Variants in LGSN observed in about 807,000 individuals in gnomAD.
LGSN encodes lengsin.
In LGSN, 21 loss-of-function variants were observed where a neutral mutation model predicts 19.5. The ratio of observed to expected loss-of-function variants is 1.07; its 90% CI spans 0.76 to 1.55. The LOEUF (loss-of-function observed/expected upper bound fraction) is 1.55, where lower values mean the gene tolerates loss of function less well. Ranked by LOEUF, LGSN falls within the 40% of genes most tolerant of loss-of-function variation. The pLI is 0.00. For missense variants in LGSN, 673 were observed against 608.5 expected (o/e 1.11, Z -1.12); for synonymous variants, 257 against 215.6 (o/e 1.19, Z -1.68).
the LGSN span, among the ~76,000 whole-genome samples, chr6:63,483,484 G>A: frequency 1.3e-5 from 2 of 151,826 alleles, no homozygotes; most frequent in African/African-American, 2.4e-5. Context: ...TCCTGCCTCA[G>A]CCTCCCGAGT....
intron 1 of LGSN, among the ~76,000 whole-genome samples, chr6:63,301,611 A>G (rs1434503924): frequency 6.6e-6 from 1 of 152,194 alleles, no homozygotes. Context: ...TATTGATTAT[A>G]TACTAACACA....
At chr6:63,533,703 CTT>C in the LGSN span, among the ~76,000 whole-genome samples, 2 of 152,030 alleles carry the variant, frequency 1.3e-5, no homozygotes, top group Non-Finnish European at 2.9e-5. Context: ...TTCTAAATGA[CTT>C]TGTAAAGCTG....
At chr6:63,467,377 T>C in the LGSN span, among the ~76,000 whole-genome samples, 3 of 151,636 alleles carry the variant, frequency 2.0e-5, no homozygotes, top group East Asian at 3.9e-4. Flanking sequence ...TTCCTAGAAC[T>C]CAGAGCAAAA....
chr6:63,432,354 T>C, the LGSN span, among the ~76,000 whole-genome samples: 1 of 152,246 alleles, frequency 6.6e-6, no homozygotes, highest in African/African-American at 2.4e-5. Flanking sequence ...TCCTGGTAAC[T>C]GACATTTATA....
intron 1 of LGSN, among the ~76,000 whole-genome samples, chr6:63,301,557 G>T (rs1191224163): frequency 6.6e-6 from 1 of 152,092 alleles, no homozygotes; most frequent in Admixed American, 6.5e-5. Context: ...GCTGATTGAA[G>T]GTGAATGTAT....
At chr6:63,493,973 G>T in the LGSN span, among the ~76,000 whole-genome samples, 11 of 135,668 alleles carry the variant, frequency 8.1e-5, no homozygotes, top group Middle Eastern at 3.9e-3. Flanking sequence ...TTTTTGAGAC[G>T]GAGTCTTGCT....
rs749013804 is a variant in LGSN, at chr6:63,277,289, A to G, written c.*2732T>C. Reference sequence around the variant, plus strand: ...TGTTTCATTAAGGCCCGTGGACTATAAAGGGATATGCCACTTTATAGGGAT... The same window carrying G: ...TGTTTCATTAAGGCCCGTGGACTATGAAGGGATATGCCACTTTATAGGGAT... On this transcript the variant is annotated 3_prime_UTR_variant, in exon 4 of 4. Transcript: ENST00000370657. 5.3e-5 allele frequency: 8 copies of G among 152,216 alleles called. No homozygotes were observed. Among genetic ancestry groups the G allele is most frequent in the Non-Finnish European group, 1.2e-4 (8 of 68,038 alleles). The allele number at this position is 152,216 out of a possible 1,614,324, so 9.4% of individuals were successfully genotyped here. A position where few individuals can be genotyped will look rare whatever the true frequency, so the allele number is the denominator to read the frequency against.
the LGSN span, among the ~76,000 whole-genome samples, chr6:63,412,529 G>GAAAGAAAGAAA: frequency 6.2e-5 from 2 of 32,402 alleles, no homozygotes; most frequent in Non-Finnish European, 1.1e-4. Flanking sequence ...AAAGAAAGAA[G>GAAAGAAAGAAA]GAAAGAAAGA....
the LGSN span, among the ~76,000 whole-genome samples, chr6:63,498,832 T>A: frequency 3.9e-5 from 6 of 152,056 alleles, no homozygotes; most frequent in African/African-American, 1.5e-4. Flanking sequence ...ATTGGGTTGA[T>A]TAACGCAGGG....
the LGSN span, among the ~76,000 whole-genome samples, chr6:63,536,813 A>T: frequency 6.6e-6 from 1 of 152,116 alleles, no homozygotes; most frequent in Admixed American, 6.5e-5. Context: ...TAAATACAAC[A>T]TTTAAACTAT....
chr6:63,572,621 C>T, the LGSN span: 1 of 421,880 alleles, frequency 2.4e-6, no homozygotes, highest in Non-Finnish European at 4.1e-6. Context: ...CGACCACCGC[C>T]GCCTCCTGCC....
chr6:63,469,364 C>T, the LGSN span, among the ~76,000 whole-genome samples: 8 of 152,130 alleles, frequency 5.3e-5, no homozygotes, highest in Admixed American at 2.6e-4. Context: ...AAATGTTCTG[C>T]ATAATCCTTT....
the LGSN span, among the ~76,000 whole-genome samples, chr6:63,333,547 G>T: frequency 1.7e-5 from 2 of 120,302 alleles, no homozygotes; most frequent in East Asian, 5.6e-4. Flanking sequence ...ACGAAAGAAA[G>T]AAAAAGAAAG....
intron 1 of LGSN, among the ~76,000 whole-genome samples, chr6:63,311,956 T>C (rs1421105381): frequency 6.6e-6 from 1 of 152,210 alleles, no homozygotes; most frequent in Non-Finnish European, 1.5e-5. Flanking sequence ...TCAACCTTTT[T>C]ACACATCACA....
At chr6:63,391,186 A>G in the LGSN span, among the ~76,000 whole-genome samples, 3 of 152,222 alleles carry the variant, frequency 2.0e-5, no homozygotes, top group Non-Finnish European at 2.9e-5. Flanking sequence ...CTATTAAATA[A>G]TTTATTTGCA....
chr6:63,536,508 T>A, the LGSN span, among the ~76,000 whole-genome samples: 2 of 152,204 alleles, frequency 1.3e-5, no homozygotes, highest in Non-Finnish European at 2.9e-5. Flanking sequence ...AAAACAGTGG[T>A]ATTCAAAAAC....
the LGSN span, among the ~76,000 whole-genome samples, chr6:63,547,414 T>C: frequency 6.6e-6 from 1 of 151,498 alleles, no homozygotes; most frequent in Non-Finnish European, 1.5e-5. Flanking sequence ...GGTCTTGAAC[T>C]CCTGACCTCA....
chr6:63,376,216 G>A, the LGSN span, among the ~76,000 whole-genome samples: 2 of 152,068 alleles, frequency 1.3e-5, no homozygotes, highest in Non-Finnish European at 2.9e-5. Flanking sequence ...CTCTTCAAAG[G>A]CAGAGAAAAA....
chr6:63,490,485 T>C, the LGSN span, among the ~76,000 whole-genome samples: 1 of 152,308 alleles, frequency 6.6e-6, no homozygotes, highest in South Asian at 2.1e-4. Flanking sequence ...GAATTAGGAA[T>C]TTTGCCACAT....
Sources: allele counts gnomAD v4.1 joint callset (sites outside exome capture counted in the v4.1 genomes callset), GRCh38; gene constraint gnomAD v4.1.1; transcripts MANE v1.5; gene names NCBI Gene and HGNC (gene_info 2026-07-23, HGNC 2026-07-21).